Variants in BLOC1S1 observed in about 807,000 individuals in gnomAD.
BLOC1S1 encodes biogenesis of lysosomal organelles complex 1 subunit 1.
Under a neutral mutation model 19.0 loss-of-function variants are expected in BLOC1S1, and 11 were observed. That is an observed-to-expected ratio of 0.58 (90% CI 0.37 to 0.96). The LOEUF (loss-of-function observed/expected upper bound fraction) is 0.96. Among genes scored for constraint, BLOC1S1 ranks in the 40% least tolerant of loss-of-function variants. The pLI, the probability that BLOC1S1 is intolerant of heterozygous loss-of-function variation, is 0.01. For synonymous variants in BLOC1S1, 94 were observed against 76.4 expected (o/e 1.23, Z -1.20); for missense variants, 220 against 195.9 (o/e 1.12, Z -0.73).
Position 55,719,172 on chromosome 12 carries a change from GCAGA to G in BLOC1S1, c.304_307del (p.Thr102AlafsTer73). ...AGGTCCAGGCTGCCCAATTTGCCAA[GCAGA>G]CAGGCCAGTGGATCGGAATGGTGGA... On this transcript the variant is annotated frameshift_variant, in exon 3 of 4. Coordinates refer to ENST00000548925, the MANE Select transcript of BLOC1S1 (RefSeq NM_001487.4). LOFTEE classifies it high-confidence loss of function. 1 of 1,613,968 alleles carries G rather than the reference GCAGA, an allele frequency of 6.2e-7. No homozygotes were observed. The highest frequency in any genetic ancestry group is 8.5e-7 in the Non-Finnish European group (1 of 1,180,022).
At position 55,718,685 on chromosome 12, in the gene BLOC1S1, ACTT is replaced by A. The variant is rs1029340639; in HGVS notation, c.219-402_219-400del. ...GGGAGGGGCCCAATTTCCCTCTCCA[ACTT>A]CTTGCATAGATCCCTAGGCTTCCAA... On this transcript the variant is annotated intron_variant, in intron 2 of 3. Coordinates refer to ENST00000548925, the MANE Select transcript of BLOC1S1 (RefSeq NM_001487.4). 5.3e-5 allele frequency among the ~76,000 whole-genome samples: 8 copies of A among 152,206 alleles called. No individual in the cohort carries two copies. In the East Asian group the frequency reaches 1.2e-3, roughly 22 times the overall value.
intron 2 of BLOC1S1, among the ~76,000 whole-genome samples, chr12:55,717,353 TTA>T: frequency 6.6e-6 from 1 of 152,300 alleles, no homozygotes; most frequent in South Asian, 2.1e-4. Context: ...TCATTACAGC[TTA>T]CCACCCTCTC....
chr12:55,716,596 A>C, intron 1 of BLOC1S1: 4 of 1,216,868 alleles, frequency 3.3e-6, no homozygotes, highest in Non-Finnish European at 4.1e-6. Flanking sequence ...GAGGTGGGGC[A>C]CTTGTTTCCT....
At chr12:55,717,817 C>A (rs1163883326) in intron 2 of BLOC1S1, among the ~76,000 whole-genome samples, 1 of 152,176 alleles carries the variant, frequency 6.6e-6, no homozygotes, top group African/African-American at 2.4e-5. Context: ...CCCTTCTCTC[C>A]AGGCAGCTCT....
At chr12:55,716,562 T>G in intron 1 of BLOC1S1, 1 of 1,204,830 alleles carries the variant, frequency 8.3e-7, no homozygotes, top group Non-Finnish European at 1.0e-6. Flanking sequence ...ATGGGCTTCT[T>G]GGAGGCCTGA....
rs761170286 is a variant in BLOC1S1 at position 55,716,153 on chromosome 12, A to C, written c.102A>C (p.Leu34=). ...ACGTGACCATGCTGTCCCGCCTCCT[A>C]AAAGAACACCAGGCCAAGCAGAATG... is the stretch of plus-strand genomic sequence containing the variant. ...QPDVTMLSRL[L]KEHQAKQNER... Residue 34 remains leucine, a synonymous_variant, in exon 1 of 4, where the codon CTA becomes CTC. Coordinates refer to ENST00000548925, the MANE Select transcript of BLOC1S1 (RefSeq NM_001487.4). The C allele has an allele frequency of 6.2e-7, 1 of 1,612,342 alleles. No individual in the cohort carries two copies. The highest frequency in any genetic ancestry group is 8.5e-7 in the Non-Finnish European group (1 of 1,179,282).
At position 55,716,176 on chromosome 12, in the gene BLOC1S1, A is replaced by G. The variant is rs560737080; in HGVS notation, c.125A>G (p.Asn42Ser). 6.2e-6 allele frequency: 10 copies of G among 1,611,812 alleles called. No individual in the cohort carries two copies. The African/African-American group carries it at 1.3e-4, about 22-fold the overall frequency. Residue 42 changes from asparagine (N) to serine (S), a missense_variant, in exon 1 of 4, where the codon AAT becomes AGT. Asn to Ser is a conservative substitution (Grantham distance 46). Transcript: ENST00000548925. ...RLLKEHQAKQ[N>S]ERKELQEKRR... ...CTAAAAGAACACCAGGCCAAGCAGAATGAACGCAAGGAGCTGCAGGGTGAG... is the reference window on the plus strand; with the variant it reads ...CTAAAAGAACACCAGGCCAAGCAGAGTGAACGCAAGGAGCTGCAGGGTGAG...
chr12:55,716,119 C>G lies in BLOC1S1; in HGVS notation c.68C>G (p.Pro23Arg). 6.2e-7 allele frequency: 1 copy of G among 1,609,052 alleles called. No individual in the cohort carries two copies. Among genetic ancestry groups the G allele is most frequent in the Non-Finnish European group, 8.5e-7 (1 of 1,177,746 alleles). Reference sequence around the variant, plus strand: ...CGGAGGGGGCCCGGCGTACCCAGCCCCCAGCCCGACGTGACCATGCTGTCC... The same window carrying G: ...CGGAGGGGGCCCGGCGTACCCAGCCGCCAGCCCGACGTGACCATGCTGTCC... ...RSRRGPGVPS[P>R]QPDVTMLSRL... is the part of the protein sequence containing the mutation. Residue 23 changes from proline (P) to arginine (R), a missense_variant, in exon 1 of 4, where the codon CCC becomes CGC. By Grantham distance (103) the Pro-to-Arg change is moderately radical. Coordinates refer to ENST00000548925, the MANE Select transcript of BLOC1S1 (RefSeq NM_001487.4).
At position 55,719,699 on chromosome 12, in the gene BLOC1S1, C is replaced by T. The variant is rs1049375007; in HGVS notation, c.*90C>T. On this transcript the variant is annotated 3_prime_UTR_variant, in exon 4 of 4. Coordinates refer to ENST00000548925, the MANE Select transcript of BLOC1S1 (RefSeq NM_001487.4). ...CAAGCCTTGAATAAAACACAAGCCT[C>T]CGTTTCTCTGTGGTGTGTTTCAGAG... 9.1e-7 allele frequency: 1 copy of T among 1,103,558 alleles called. No individual in the cohort carries two copies. 68.4% of individuals were successfully genotyped at this position (1,103,558 alleles called of 1,614,324 possible).
At position 55,716,168 on chromosome 12, in the gene BLOC1S1, C is replaced by T. The variant is rs759619884; in HGVS notation, c.117C>T (p.Ala39=). The T allele has an allele frequency of 1.2e-6, 2 of 1,612,360 alleles. No homozygotes were observed. Among genetic ancestry groups the T allele is most frequent in the Admixed American group, 3.3e-5 (2 of 59,816 alleles). ...MLSRLLKEHQ[A]KQNERKELQE... ...CCCGCCTCCTAAAAGAACACCAGGC[C>T]AAGCAGAATGAACGCAAGGAGCTGC... Residue 39 remains alanine, a synonymous_variant, in exon 1 of 4, where the codon GCC becomes GCT. Transcript: ENST00000548925.
chr12:55,716,062 G>T lies in BLOC1S1; in HGVS notation c.11G>T (p.Gly4Val), dbSNP rs1216332616. The T allele has an allele frequency of 1.3e-6, 2 of 1,561,056 alleles. No individual in the cohort carries two copies. Among genetic ancestry groups the T allele is most frequent in the South Asian group, 1.2e-5 (1 of 85,432 alleles). MAPGSRGERSSFRS... is the reference protein window; with the variant it reads MAPVSRGERSSFRS... ...CAGCGGTCACGTGACATGGCCCCGGGGAGCCGAGGTGAGCGTTCCAGCTTC... is the reference window on the plus strand; with the variant it reads ...CAGCGGTCACGTGACATGGCCCCGGTGAGCCGAGGTGAGCGTTCCAGCTTC... The change falls in exon 1 of 4, where the codon GGG becomes GTG. Residue 4 changes from glycine (G) to valine (V), a missense_variant. Coordinates refer to ENST00000548925, the MANE Select transcript of BLOC1S1 (RefSeq NM_001487.4).
At position 55,719,212 on chromosome 12, in the gene BLOC1S1, C is replaced by G; in HGVS notation, c.340C>G (p.Gln114Glu). The G allele has an allele frequency of 6.2e-7, 1 of 1,614,008 alleles. No individual in the cohort carries two copies. The highest frequency in any genetic ancestry group is 8.5e-7 in the Non-Finnish European group (1 of 1,180,018). ...QWIGMVENFN[Q>E]ALKEIGDVEN... ...GATCGGAATGGTGGAGAACTTCAAC[C>G]AGGCACTCAAGGTGGGCCATACTCC... is the stretch of plus-strand genomic sequence containing the variant. Residue 114 changes from glutamine (Q) to glutamate (E), a missense_variant, in exon 3 of 4, where the codon CAG becomes GAG. Transcript: ENST00000548925.
At chr12:55,719,050 A>T (rs746231547) in intron 2 of BLOC1S1, 41 bp from the exon 3 acceptor site, 1 of 1,600,362 alleles carries the variant, frequency 6.2e-7, no homozygotes, top group East Asian at 2.2e-5. Flanking sequence ...GACCACCCCC[A>T]ACTAGCTGGA....
Position 55,718,061 on chromosome 12 carries a change from C to G in BLOC1S1, c.219-1030C>G, listed in dbSNP as rs138639954. 8.3e-3 allele frequency among the ~76,000 whole-genome samples: 1,259 copies of G among 152,322 alleles called. 14 individuals are homozygous for G. Among genetic ancestry groups the G allele is most frequent in the African/African-American group, 0.029 (1,187 of 41,556 alleles). On this transcript the variant is annotated intron_variant, in intron 2 of 3. Transcript: ENST00000548925. ...GCCCAGGCCTTTCCCTCTTCTTTTC[C>G]TTTGCTAGATGCCACCCCACTTTCA...
rs752070158 is a variant in BLOC1S1, at chr12:55,717,055, G to A, written c.218+50G>A. 2.7e-6 allele frequency: 4 copies of A among 1,493,088 alleles called. No individual in the cohort carries two copies. The South Asian group carries it at 5.0e-5, about 19-fold the overall frequency. The allele number at this position is 1,493,088 out of a possible 1,614,324, so 92.5% of individuals were successfully genotyped here. On this transcript the variant is annotated intron_variant, in intron 2 of 3. Transcript: ENST00000548925. ...TTTCCTCCTTCCCCACCCCGCCCAA[G>A]TTTAGGCACTGGCCAGTCTGGCCCT...
At chr12:55,716,241 T>A in intron 1 of BLOC1S1, 45 bp downstream of exon 1, 1 of 1,567,874 alleles carries the variant, frequency 6.4e-7, no homozygotes, top group Non-Finnish European at 8.6e-7. Flanking sequence ...GGCCGCGGCC[T>A]AGCTTCAGCC....
rs747531514 is a variant in BLOC1S1, at chr12:55,716,950, G to A, written c.163G>A (p.Ala55Thr). ...CTCCCCAGAAAAGAGGAGGCGAGAG[G>A]CTATCACTGCAGCGACCTGCCTGAC... ...KELQEKRRRE[A>T]ITAATCLTEA... The change falls in exon 2 of 4, where the codon GCT (alanine) becomes ACT (threonine). Residue 55 changes from alanine (A) to threonine (T), a missense_variant. Coordinates refer to ENST00000548925, the MANE Select transcript of BLOC1S1 (RefSeq NM_001487.4). 1.3e-6 allele frequency: 2 copies of A among 1,592,620 alleles called. No homozygotes were observed.
intron 1 of BLOC1S1, 131 bp downstream of exon 1, chr12:55,716,327 G>C: frequency 1.3e-6 from 2 of 1,487,144 alleles, no homozygotes; most frequent in South Asian, 2.6e-5. Context: ...TGGGGGAGAG[G>C]GAATTTCAGA....
chr12:55,719,511 G>A lies in BLOC1S1; in HGVS notation c.364G>A (p.Val122Met). The A allele has an allele frequency of 6.2e-7, 1 of 1,614,208 alleles. No homozygotes were observed. The highest frequency in any genetic ancestry group is 8.5e-7 in the Non-Finnish European group (1 of 1,180,030). ...TCCCCCTTCCCAGGAAATTGGGGATGTGGAGAACTGGGCTCGGAGCATCGA... is the reference window on the plus strand; with the variant it reads ...TCCCCCTTCCCAGGAAATTGGGGATATGGAGAACTGGGCTCGGAGCATCGA... ...FNQALKEIGD[V>M]ENWARSIELD... Residue 122 changes from valine (V) to methionine (M), a missense_variant, in exon 4 of 4, where the codon GTG becomes ATG. Physicochemically the swap from Val to Met is conservative, Grantham distance 21. Coordinates refer to ENST00000548925, the MANE Select transcript of BLOC1S1 (RefSeq NM_001487.4).
Sources: gnomAD v4.1 joint callset for allele counts (sites outside exome capture counted in the v4.1 genomes callset) on GRCh38, gnomAD v4.1.1 for gene constraint, MANE v1.5 for transcripts, NCBI Gene and HGNC (gene_info 2026-07-23, HGNC 2026-07-21) for gene names.